The following MCTP1 variants were observed in gnomAD, a reference collection of about 807,000 sequenced individuals.
MCTP1 encodes multiple C2 and transmembrane domain-containing protein 1.
Under a neutral mutation model 120.6 loss-of-function variants are expected in MCTP1, and 69 were observed. The ratio of observed to expected loss-of-function variants is 0.57; its 90% confidence interval spans 0.47 to 0.70. MCTP1 has a LOEUF of 0.70. MCTP1 is among the 30% of genes least tolerant of loss of function. The pLI is 0.00. For synonymous variants in MCTP1, 529 were observed against 493.1 expected (o/e 1.07, Z -0.96); for missense variants, 1,203 against 1,248.8 (o/e 0.96, Z 0.55).
At chr5:94,829,095 G>A (rs1396826548) in intron 17 of MCTP1, among the ~76,000 whole-genome samples, 1 of 152,208 alleles carries the variant, frequency 6.6e-6, no homozygotes, top group African/African-American at 2.4e-5. Context: ...GGCCCTGGCG[G>A]TGTAGGCACC....
At chr5:94,796,607 T>TATATATATAATATATATATATATATA (rs1780090220) in intron 18 of MCTP1, among the ~76,000 whole-genome samples, 1 of 91,654 alleles carries the variant, frequency 1.1e-5, no homozygotes, top group African/African-American at 3.7e-5. Context: ...ATATATATAA[T>TATATATATAATATATATATATATATA]ATATATAATA....
rs374187094 is a variant in MCTP1 at position 95,045,893 on chromosome 5, A to G, written c.721-28409T>C. On this transcript the variant is annotated intron_variant, in intron 1 of 22. Transcript: ENST00000515393. ...TGCTTGAGTTTGAATCCTGGCTCTG[A>G]TATTTTCTTAGAAAGTGGGAAAGTG... Among the ~76,000 whole-genome samples, 10 of 152,254 alleles carry G rather than the reference A, an allele frequency of 6.6e-5. No homozygotes were observed. The South Asian group carries it at 2.1e-3, about 32-fold the overall frequency.
In MCTP1 at chr5:94,966,361, T is replaced by C. The variant is rs140008908; in HGVS notation, c.839-13000A>G. Among the ~76,000 whole-genome samples the C allele has an allele frequency of 3.3e-5, 5 of 152,338 alleles. 1 individual carries two copies. The East Asian group carries it at 5.8e-4, about 18-fold the overall frequency. ...TGCAATACTACGTATAATACCACTA[T>C]TGACAAGTATTTATTCTGGTCTATA... On this transcript the variant is annotated intron_variant, in intron 2 of 22. Coordinates refer to ENST00000515393, the MANE Select transcript of MCTP1 (RefSeq NM_024717.7).
At chr5:94,914,700 A>G (rs1452491840) in intron 8 of MCTP1, among the ~76,000 whole-genome samples, 1 of 152,212 alleles carries the variant, frequency 6.6e-6, no homozygotes, top group Non-Finnish European at 1.5e-5. Context: ...TTCATGGAGC[A>G]CCTGCAAGTT....
intron 1 of MCTP1, among the ~76,000 whole-genome samples, chr5:95,236,600 T>C (rs1755569383): frequency 6.6e-6 from 1 of 152,180 alleles, no homozygotes; most frequent in African/African-American, 2.4e-5. Context: ...GATTACGGTA[T>C]AAAAAGTCAA....
chr5:94,857,752 A>G (rs1794973383), intron 17 of MCTP1, among the ~76,000 whole-genome samples: 1 of 151,654 alleles, frequency 6.6e-6, no homozygotes, highest in African/African-American at 2.4e-5. Context: ...ATCTCCAATA[A>G]CAATAAAACT....
In MCTP1 at chr5:94,779,151, T is replaced by G. The variant is rs757519386; in HGVS notation, c.2569A>C (p.Met857Leu). The change falls in exon 19 of 23, where the codon ATG (methionine) becomes CTG (leucine). Residue 857 changes from methionine (M) to leucine (L), a missense_variant. This residue lies in a region of MCTP1 where 740 missense variants were observed against 871.1 expected (regional missense o/e 0.85). Transcript: ENST00000515393. ...NRQRDTVVEDMLEDEEEEDDK... is the reference protein window; with the variant it reads ...NRQRDTVVEDLLEDEEEEDDK... ...TCTTCTTCTTCCTCGTCCTCTAGCA[T>G]GTCCTCCACTACCTGCAGAGAGAAA... 1 of 1,613,630 alleles carries G rather than the reference T, an allele frequency of 6.2e-7. No homozygotes were observed.
intron 10 of MCTP1, among the ~76,000 whole-genome samples, chr5:94,895,864 G>A (rs1276445155): frequency 6.6e-6 from 1 of 152,024 alleles, no homozygotes; most frequent in Non-Finnish European, 1.5e-5. Context: ...GGGATGTCTG[G>A]GACTAGACAC....
At chr5:94,990,595 C>T (rs1239520445) in intron 2 of MCTP1, among the ~76,000 whole-genome samples, 1 of 152,212 alleles carries the variant, frequency 6.6e-6, no homozygotes, top group African/African-American at 2.4e-5. Context: ...CAAAGATCAT[C>T]TCCCTTTTGA....
intron 1 of MCTP1, among the ~76,000 whole-genome samples, chr5:95,202,628 A>G (rs1173707039): frequency 1.3e-5 from 2 of 152,206 alleles, no homozygotes; most frequent in African/African-American, 2.4e-5. Flanking sequence ...TTTCCCCTAG[A>G]AAGTATCAAA....
chr5:94,954,980 C>T (rs1292844543), intron 2 of MCTP1, among the ~76,000 whole-genome samples: 1 of 152,152 alleles, frequency 6.6e-6, no homozygotes, highest in African/African-American at 2.4e-5. Flanking sequence ...GGCAAGATGG[C>T]CAAATAGGAA....
chr5:95,161,849 C>T (rs769309119), intron 1 of MCTP1, among the ~76,000 whole-genome samples: 1 of 152,150 alleles, frequency 6.6e-6, no homozygotes, highest in Non-Finnish European at 1.5e-5. Context: ...ACAGCCTGTG[C>T]TCTGCTAATC....
chr5:95,251,225 A>T (rs1757352677), intron 1 of MCTP1, among the ~76,000 whole-genome samples: 1 of 152,044 alleles, frequency 6.6e-6, no homozygotes. Flanking sequence ...CCAGCAATCA[A>T]ATATCTGAAA....
At chr5:94,959,255 T>C (rs1397018095) in intron 2 of MCTP1, among the ~76,000 whole-genome samples, 1 of 152,124 alleles carries the variant, frequency 6.6e-6, no homozygotes, top group Non-Finnish European at 1.5e-5. Flanking sequence ...AAACCAGGTA[T>C]TGATGGAATG....
intron 1 of MCTP1, among the ~76,000 whole-genome samples, chr5:95,262,320 T>C (rs1409394727): frequency 6.6e-6 from 1 of 152,216 alleles, no homozygotes; most frequent in Non-Finnish European, 1.5e-5. Context: ...AAGCGTGAAA[T>C]GGCTAACCAA....
intron 11 of MCTP1, among the ~76,000 whole-genome samples, chr5:94,889,659 T>A (rs745775972): frequency 6.6e-6 from 1 of 152,016 alleles, no homozygotes; most frequent in African/African-American, 2.4e-5. Flanking sequence ...TTAGTATGTA[T>A]AGAATGGAAA....
At chr5:95,268,492 A>G (rs1759089566) in intron 1 of MCTP1, among the ~76,000 whole-genome samples, 1 of 152,244 alleles carries the variant, frequency 6.6e-6, no homozygotes, top group Admixed American at 6.5e-5. Flanking sequence ...TTATAAAGAT[A>G]AAGTTATAGG....
At chr5:94,754,446 TAA>T (rs764263295) in intron 19 of MCTP1, among the ~76,000 whole-genome samples, 16 of 152,368 alleles carry the variant, frequency 1.1e-4, no homozygotes, top group Admixed American at 7.8e-4. Flanking sequence ...ACGTTATTTT[TAA>T]AAGTCAGAAT....
chr5:95,019,177 T>C (rs1300653007), intron 1 of MCTP1, among the ~76,000 whole-genome samples: 1 of 152,116 alleles, frequency 6.6e-6, no homozygotes, highest in Non-Finnish European at 1.5e-5. Context: ...GATTTTATGA[T>C]ATACAACATG....
Sources: allele counts gnomAD v4.1 joint callset (sites outside exome capture counted in the v4.1 genomes callset), GRCh38; gene constraint gnomAD v4.1.1; regional missense constraint gnomAD v4.1.1; transcripts MANE v1.5; gene names NCBI Gene and HGNC (gene_info 2026-07-23, HGNC 2026-07-21).